RBPMS: variants seen among roughly 807,000 people sequenced by gnomAD.
RBPMS encodes RNA binding protein, mRNA processing factor, also known as RNA-binding protein with multiple splicing.
A neutral mutation model predicts 26.8 loss-of-function variants in RBPMS; 7 were observed. That is an observed-to-expected ratio of 0.26 (90% CI 0.15 to 0.49). The LOEUF (loss-of-function observed/expected upper bound fraction) is 0.49, where lower values mean the gene tolerates loss of function less well. RBPMS is among the 20% of genes least tolerant of loss of function. The pLI, the probability that RBPMS is intolerant of heterozygous loss-of-function variation, is 0.98. For missense variants in RBPMS, 186 were observed against 250.0 expected, an observed-to-expected ratio of 0.74 and a Z score of 1.73; for synonymous variants, 96 against 93.3, an observed-to-expected ratio of 1.03 and a Z score of -0.17.
intron 1 of RBPMS, among the ~76,000 whole-genome samples, chr8:30,454,692 G>A (rs1814995105): frequency 6.6e-6 from 1 of 152,182 alleles, no homozygotes; most frequent in African/African-American, 2.4e-5. Flanking sequence ...ACAAAAAGAT[G>A]AATTATCAAA....
chr8:30,549,689 G>T, intron 6 of RBPMS: 2 of 796,320 alleles, frequency 2.5e-6, no homozygotes, highest in South Asian at 1.5e-5. Flanking sequence ...AGAGTGGGCT[G>T]GGTCTCCTTT....
At chr8:30,418,920 A>G (rs1447516232) in intron 1 of RBPMS, among the ~76,000 whole-genome samples, 1 of 152,132 alleles carries the variant, frequency 6.6e-6, no homozygotes, top group Non-Finnish European at 1.5e-5. Flanking sequence ...GGCACTCTTT[A>G]TACGTTGTAA....
At chr8:30,540,614 G>C (rs533016346) in intron 5 of RBPMS, among the ~76,000 whole-genome samples, 1 of 152,206 alleles carries the variant, frequency 6.6e-6, no homozygotes, top group East Asian at 1.9e-4. Flanking sequence ...TTAAGATACG[G>C]GGTCTCGCTA....
intron 5 of RBPMS, among the ~76,000 whole-genome samples, chr8:30,510,493 A>G (rs1195993268): frequency 2.8e-5 from 4 of 141,534 alleles, no homozygotes; most frequent in South Asian, 4.5e-4. Context: ...TCACATCACC[A>G]CACTGCCTTT....
chr8:30,420,990 TA>T (rs1349869548), intron 1 of RBPMS, among the ~76,000 whole-genome samples: 1 of 152,228 alleles, frequency 6.6e-6, no homozygotes, highest in African/African-American at 2.4e-5. Flanking sequence ...TTAAAATACT[TA>T]CCTATTTGAA....
chr8:30,452,240 G>A (rs1411510534), intron 1 of RBPMS, among the ~76,000 whole-genome samples: 1 of 152,114 alleles, frequency 6.6e-6, no homozygotes, highest in African/African-American at 2.4e-5. Flanking sequence ...TGTCATAAGT[G>A]GCCAGAAATC....
chr8:30,520,360 A>G (rs769315735), intron 5 of RBPMS, among the ~76,000 whole-genome samples: 1 of 151,834 alleles, frequency 6.6e-6, no homozygotes, highest in Admixed American at 6.6e-5. Context: ...CGTTGTTGTT[A>G]TTGTTTCCCC....
At chr8:30,557,153 C>T (rs1030336968) in intron 6 of RBPMS, among the ~76,000 whole-genome samples, 1 of 152,152 alleles carries the variant, frequency 6.6e-6, no homozygotes, top group African/African-American at 2.4e-5. Context: ...GCATGGTCGC[C>T]AGAAGAGACC....
At chr8:30,417,958 T>TA (rs1454101268) in intron 1 of RBPMS, among the ~76,000 whole-genome samples, 1 of 152,224 alleles carries the variant, frequency 6.6e-6, no homozygotes, top group South Asian at 2.1e-4. Flanking sequence ...GTATAGTTGA[T>TA]ATGTGTTACC....
intron 1 of RBPMS, among the ~76,000 whole-genome samples, chr8:30,458,516 A>G (rs925596692): frequency 6.6e-6 from 1 of 152,172 alleles, no homozygotes; most frequent in African/African-American, 2.4e-5. Context: ...GTCTGGCTCT[A>G]CAGTTTATAT....
intron 1 of RBPMS, among the ~76,000 whole-genome samples, chr8:30,411,651 A>C (rs1809412556): frequency 7.9e-6 from 1 of 127,166 alleles, no homozygotes; most frequent in African/African-American, 3.1e-5. Context: ...GGTGACAGCA[A>C]GACCCTGTCT....
intron 1 of RBPMS, among the ~76,000 whole-genome samples, chr8:30,421,479 T>C (rs1484223143): frequency 1.3e-5 from 2 of 152,252 alleles, no homozygotes; most frequent in East Asian, 3.8e-4. Context: ...GTGTTTCTTA[T>C]TAAAAATTCC....
At chr8:30,459,746 TC>T (rs1189687367) in intron 1 of RBPMS, among the ~76,000 whole-genome samples, 1 of 152,204 alleles carries the variant, frequency 6.6e-6, no homozygotes, top group African/African-American at 2.4e-5. Context: ...AATGGTCTTT[TC>T]CTCCCATTAT....
At chr8:30,445,930 G>T (rs576026355) in intron 1 of RBPMS, among the ~76,000 whole-genome samples, 4 of 152,180 alleles carry the variant, frequency 2.6e-5, no homozygotes, top group African/African-American at 9.6e-5. Flanking sequence ...CTCCCAAAGT[G>T]CTGGGATTAT....
chr8:30,569,779 A>AG (rs1828144365), intron 8 of RBPMS, among the ~76,000 whole-genome samples: 1 of 152,198 alleles, frequency 6.6e-6, no homozygotes, highest in Non-Finnish European at 1.5e-5. Flanking sequence ...GGGACAGGCC[A>AG]GGGGTGCACA....
chr8:30,552,185 G>T (rs1003998462), intron 6 of RBPMS, among the ~76,000 whole-genome samples: 11 of 152,114 alleles, frequency 7.2e-5, no homozygotes, highest in Admixed American at 2.0e-4. Flanking sequence ...AGGCCGTCTG[G>T]TTGGGTCAGC....
intron 4 of RBPMS, among the ~76,000 whole-genome samples, chr8:30,492,613 T>A (rs1819513331): frequency 1.3e-5 from 2 of 152,320 alleles, no homozygotes; most frequent in East Asian, 1.9e-4. Flanking sequence ...GTGGCCCTTA[T>A]GAATGAAAGT....
At position 30,551,849 on chromosome 8, in the gene RBPMS, G is replaced by A. The variant is rs531241394; in HGVS notation, c.529-7038G>A. Among the ~76,000 whole-genome samples, 200 of 152,266 alleles carry A rather than the reference G, an allele frequency of 1.3e-3. 2 individuals are homozygous for A. Among genetic ancestry groups the A allele is most frequent in the South Asian group, 0.012 (59 of 4,812 alleles). The stretch of plus-strand genomic sequence containing the variant: ...TAGGCAAGTTGGTTTTTAACTGCAC[G>A]GAGCCTCAGTTTCCTCATCTATAAA... On this transcript the variant is annotated intron_variant, in intron 6 of 8. Transcript: ENST00000397323.
At chr8:30,443,736 A>G (rs1263077129) in intron 1 of RBPMS, among the ~76,000 whole-genome samples, 2 of 152,138 alleles carry the variant, frequency 1.3e-5, no homozygotes, top group East Asian at 1.9e-4. Context: ...CTGGGACTAC[A>G]GGCGTGCACC....
Sources: gnomAD v4.1 joint callset for allele counts (sites outside exome capture counted in the v4.1 genomes callset) on GRCh38, gnomAD v4.1.1 for gene constraint, MANE v1.5 for transcripts, NCBI Gene and HGNC (gene_info 2026-07-23, HGNC 2026-07-21) for gene names.